The following CCR7 variants were observed in gnomAD, a reference collection of about 807,000 sequenced individuals.
CCR7 encodes the protein C-C motif chemokine receptor 7.
Under a neutral mutation model 26.0 loss-of-function variants are expected in CCR7, and 11 were observed. That is an observed-to-expected ratio of 0.42 (90% CI 0.27 to 0.70). The LOEUF (loss-of-function observed/expected upper bound fraction) is 0.70, where lower values mean the gene tolerates loss of function less well. Ranked by LOEUF, CCR7 falls within the 30% of genes least tolerant of loss-of-function variation. CCR7 has a pLI of 0.23. For missense variants in CCR7, 360 were observed against 504.0 expected (o/e 0.71, Z 2.74); for synonymous variants, 189 against 202.1 (o/e 0.94, Z 0.55).
Position 40,555,146 on chromosome 17 carries a change from C to T in CCR7, c.733G>A (p.Val245Ile), listed in dbSNP as rs1364316953. ...PLLAMSFCYL[V>I]IIRTLLQARN... ...GCCTGGAGCAGGGTGCGGATGATGA[C>T]AAGGTAACAGAAGCTCATGGCCAGC... The change falls in exon 3 of 3, where the codon GTC (valine) becomes ATC (isoleucine). Residue 245 changes from valine to isoleucine, a missense_variant. By Grantham distance (29) the Val-to-Ile change is conservative (BLOSUM62 3). Transcript: ENST00000246657. The surrounding 1 kb of genome is among the most constrained non-coding windows in gnomAD (Gnocchi z 5.6). 2 of 1,614,028 alleles carry T rather than the reference C, an allele frequency of 1.2e-6. No homozygotes were observed. The highest frequency in any genetic ancestry group is 1.7e-6 in the Non-Finnish European group (2 of 1,180,032).
intron 1 of CCR7, among the ~76,000 whole-genome samples, chr17:40,562,388 G>C (rs1457543902): frequency 2.0e-5 from 3 of 152,124 alleles, no homozygotes; most frequent in Non-Finnish European, 2.9e-5. Context: ...TGAGCCTGCT[G>C]CATCTAGGAC....
chr17:40,561,025 A>C (rs1256887167), intron 1 of CCR7: 1 of 152,190 alleles, frequency 6.6e-6, no homozygotes, highest in Non-Finnish European at 1.5e-5. Context: ...TCGAGTCTCG[A>C]GGTTTCTTTA....
chr17:40,563,934 CCTCCACCCTGGAGTCAGCTACCAGTG>C (rs2036679766), intron 1 of CCR7, among the ~76,000 whole-genome samples: 1 of 152,080 alleles, frequency 6.6e-6, no homozygotes, highest in Non-Finnish European at 1.5e-5. Flanking sequence ...CAGGACTTTC[CCTCCACCCTGGAGTCAGCTACCAGTG>C]CTCCACCCCG....
Position 40,555,583 on chromosome 17 carries a change from T to G in CCR7, c.296A>C (p.Asn99Thr). ...LKTMTDTYLL[N>T]LAVADILFLL... The stretch of plus-strand genomic sequence containing the variant: ...GAAGAGGATGTCTGCCACCGCCAGG[T>G]TGAGCAGGTAGGTATCGGTCATGGT... Residue 99 changes from asparagine to threonine, a missense_variant, in exon 3 of 3, where the codon AAC becomes ACC. Asn to Thr is a moderately conservative substitution (Grantham distance 65, BLOSUM62 0). Coordinates refer to ENST00000246657, the MANE Select transcript of CCR7 (RefSeq NM_001838.4). The surrounding 1 kb of genome is among the most constrained non-coding windows in gnomAD (Gnocchi z 5.6). The G allele has an allele frequency of 6.2e-7, 1 of 1,614,052 alleles. No individual in the cohort carries two copies. The highest frequency in any genetic ancestry group is 8.5e-7 in the Non-Finnish European group (1 of 1,179,988).
chr17:40,562,567 T>A (rs1183960074), intron 1 of CCR7, among the ~76,000 whole-genome samples: 2 of 152,038 alleles, frequency 1.3e-5, no homozygotes, highest in African/African-American at 4.8e-5. Context: ...AAAACACAAA[T>A]CTCATCCTTT....
In CCR7 at chr17:40,554,535, A is replaced by G. The variant is rs2036555359; in HGVS notation, c.*207T>C. 8.2e-6 allele frequency: 5 copies of G among 606,560 alleles called. No individual in the cohort carries two copies. Among genetic ancestry groups the G allele is most frequent in the Admixed American group, 3.0e-5 (1 of 33,608 alleles). 37.6% of individuals were successfully genotyped at this position (606,560 alleles called of 1,614,324 possible). On this transcript the variant is annotated 3_prime_UTR_variant, in exon 3 of 3. Transcript: ENST00000246657. ...AGTGTTGTCTGTCTGGTGTTAGCTT[A>G]TCAGCCCTGTCTTTTTTTGGCATTG...
intron 1 of CCR7, chr17:40,560,775 G>A (rs1031286702): frequency 7.2e-5 from 11 of 152,248 alleles, no homozygotes; most frequent in African/African-American, 2.6e-4. Context: ...ACTCAAAGAG[G>A]GCTTCCTAGC....
Position 40,555,770 on chromosome 17 carries a change from T to C in CCR7, c.109A>G (p.Thr37Ala). Residue 37 changes from threonine (T) to alanine (A), a missense_variant, in exon 3 of 3, where the codon ACC becomes GCC. Physicochemically the swap from Thr to Ala is moderately conservative, Grantham distance 58. Coordinates refer to ENST00000246657, the MANE Select transcript of CCR7 (RefSeq NM_001838.4). The surrounding 1 kb of genome is among the most constrained non-coding windows in gnomAD (Gnocchi z 5.6). ...TCGAACAAAGTGTAGTCCACTGTGGTGTTGTCTCCGATGTAATCGTCCGTG... is the reference window on the plus strand; with the variant it reads ...TCGAACAAAGTGTAGTCCACTGTGGCGTTGTCTCCGATGTAATCGTCCGTG... Reference protein sequence around the residue: ...EVTDDYIGDNTTVDYTLFESL... With the variant: ...EVTDDYIGDNATVDYTLFESL... 2 of 1,614,180 alleles carry C rather than the reference T, an allele frequency of 1.2e-6. No homozygotes were observed. Among genetic ancestry groups the C allele is most frequent in the Non-Finnish European group, 1.7e-6 (2 of 1,180,038 alleles).
At chr17:40,557,404 C>T (rs942996954) in intron 2 of CCR7, among the ~76,000 whole-genome samples, 1 of 152,238 alleles carries the variant, frequency 6.6e-6, no homozygotes, top group African/African-American at 2.4e-5. Context: ...GGATTCACCG[C>T]ATCTTGTCTC....
chr17:40,564,167 G>A (rs1330947359), intron 1 of CCR7, among the ~76,000 whole-genome samples: 1 of 152,154 alleles, frequency 6.6e-6, no homozygotes, highest in East Asian at 1.9e-4. Flanking sequence ...GCATTTGGAA[G>A]AGATTTTCAA....
In CCR7 at chr17:40,555,211, A is replaced by G; in HGVS notation, c.668T>C (p.Ile223Thr). The change falls in exon 3 of 3, where the codon ATC becomes ACC. Residue 223 changes from isoleucine (I) to threonine (T), a missense_variant. By Grantham distance (89) the Ile-to-Thr change is moderately conservative. Transcript: ENST00000246657. The surrounding 1 kb of genome is among the most constrained non-coding windows in gnomAD (Gnocchi z 5.6). ...GCCGATCACCATCTGGGCCACCTGG[A>G]TGGTGATAAAGGCCTCCACATGCTC... The part of the protein sequence containing the change: ...ITEHVEAFIT[I>T]QVAQMVIGFL... The G allele has an allele frequency of 1.2e-6, 2 of 1,614,120 alleles. No homozygotes were observed. Among genetic ancestry groups the G allele is most frequent in the South Asian group, 2.2e-5 (2 of 91,072 alleles).
chr17:40,558,987 T>A lies in CCR7; in HGVS notation c.11-45A>T, dbSNP rs777476348. On this transcript the variant is annotated intron_variant, in intron 1 of 2. Coordinates refer to ENST00000246657, the MANE Select transcript of CCR7 (RefSeq NM_001838.4). The stretch of plus-strand genomic sequence containing the variant: ...AAAGTTATTGCTTGGCAGGGACAAG[T>A]CTTTGTTATTAAAGAAAGCAGTGGA... The A allele has an allele frequency of 3.4e-5, 52 of 1,532,514 alleles. 1 individual carries two copies. Among genetic ancestry groups the A allele is most frequent in the Non-Finnish European group, 3.6e-6 (4 of 1,121,946 alleles). 94.9% of individuals were successfully genotyped at this position (1,532,514 alleles called of 1,614,324 possible). A position where few individuals can be genotyped will look rare whatever the true frequency, so the allele number is the denominator to read the frequency against.
chr17:40,564,443 C>T (rs780538430), intron 1 of CCR7, among the ~76,000 whole-genome samples: 11 of 152,154 alleles, frequency 7.2e-5, no homozygotes, highest in Non-Finnish European at 1.0e-4. Context: ...TTTTTAAAGC[C>T]AACCCTTTGC....
intron 1 of CCR7, among the ~76,000 whole-genome samples, chr17:40,562,148 C>T (rs1000072817): frequency 7.9e-5 from 12 of 152,168 alleles, no homozygotes; most frequent in African/African-American, 2.9e-4. Context: ...CCAACTCCAG[C>T]AACCACACTC....
At position 40,557,331 on chromosome 17, in the gene CCR7, C is replaced by G. The variant is rs573256800; in HGVS notation, c.61-1513G>C. Among the ~76,000 whole-genome samples, 6 of 152,346 alleles carry G rather than the reference C, an allele frequency of 3.9e-5. No individual in the cohort carries two copies. The East Asian group carries it at 1.2e-3, about 29-fold the overall frequency. ...GACCTGCCTCACGAGGCTCATGGTT[C>G]TATCACCAGGAACCAGATTCAGCAG... On this transcript the variant is annotated intron_variant, in intron 2 of 2. Transcript: ENST00000246657.
At chr17:40,565,308 T>C in intron 1 of CCR7, 92 bp downstream of exon 1, 1 of 1,127,308 alleles carries the variant, frequency 8.9e-7, no homozygotes, top group East Asian at 2.3e-5. Context: ...CCCTATGCGC[T>C]CCACCCGCAT....
intron 1 of CCR7, among the ~76,000 whole-genome samples, chr17:40,562,800 G>A (rs1023247914): frequency 2.6e-5 from 4 of 151,904 alleles, no homozygotes; most frequent in African/African-American, 9.7e-5. Context: ...CCATCTACAC[G>A]GCTGCAGCCT....
chr17:40,564,656 A>T (rs2143923597), intron 1 of CCR7, among the ~76,000 whole-genome samples: 1 of 152,290 alleles, frequency 6.6e-6, no homozygotes, highest in Non-Finnish European at 1.5e-5. Context: ...TCTAAAGAGT[A>T]GAGTTATCTG....
chr17:40,557,690 G>A (rs980726589), intron 2 of CCR7, among the ~76,000 whole-genome samples: 11 of 152,152 alleles, frequency 7.2e-5, no homozygotes, highest in African/African-American at 2.4e-4. Flanking sequence ...CAGTACTCCC[G>A]GCCTCTATGA....
Sources: gnomAD v4.1 joint callset for allele counts (sites outside exome capture counted in the v4.1 genomes callset) on GRCh38, gnomAD v4.1.1 for gene constraint, Gnocchi (gnomAD v3.1) non-coding constraint, MANE v1.5 for transcripts, NCBI Gene and HGNC (gene_info 2026-07-23, HGNC 2026-07-21) for gene names.